The following TECRL variants were observed in gnomAD, a reference collection of about 807,000 sequenced individuals.
TECRL encodes the protein trans-2,3-enoyl-CoA reductase like, also known as trans-2,3-enoyl-CoA reductase-like.
TECRL carries 63 observed loss-of-function variants against 52.8 expected under a neutral mutation model. The ratio of observed to expected loss-of-function variants is 1.19; its 90% CI spans 0.97 to 1.47. The LOEUF is 1.47. Among genes scored for constraint, TECRL ranks in the 40% most tolerant of loss-of-function variants. TECRL has a pLI of 0.00. For synonymous variants in TECRL, 164 were observed against 141.9 expected (o/e 1.16, Z -1.10); for missense variants, 482 against 429.6 (o/e 1.12, Z -1.08).
At chr4:64,313,782 C>T (rs1367596348) in intron 5 of TECRL, among the ~76,000 whole-genome samples, 2 of 150,628 alleles carry the variant, frequency 1.3e-5, no homozygotes, top group Non-Finnish European at 1.5e-5. Context: ...GCACGGCTGC[C>T]TTACTCTTTT....
chr4:64,342,297 A>C (rs1426507936), intron 2 of TECRL, among the ~76,000 whole-genome samples: 49 of 152,216 alleles, frequency 3.2e-4, no homozygotes, highest in Non-Finnish European at 2.9e-5. Context: ...ACTCTGGATC[A>C]TTTTGATCAC....
rs1722706885 is a variant in TECRL at position 64,279,425 on chromosome 4, T to G, written c.*647A>C. 1 of 152,102 alleles carries G rather than the reference T, an allele frequency of 6.6e-6. No homozygotes were observed. The highest frequency in any genetic ancestry group is 1.5e-5 in the Non-Finnish European group (1 of 68,042). 9.4% of individuals were successfully genotyped at this position (152,102 alleles called of 1,614,324 possible). ...CCAGCTAATTTTTACTTTTTAAAATTTTTTTGTAGAGACAGAGTCTCAATA... is the reference window on the plus strand; with the variant it reads ...CCAGCTAATTTTTACTTTTTAAAATGTTTTTGTAGAGACAGAGTCTCAATA... On this transcript the variant is annotated 3_prime_UTR_variant, in exon 12 of 12. Transcript: ENST00000381210.
chr4:64,365,176 G>A (rs188590037), intron 2 of TECRL, among the ~76,000 whole-genome samples: 1 of 148,970 alleles, frequency 6.7e-6, no homozygotes, highest in Non-Finnish European at 1.5e-5. Flanking sequence ...GATGCAAAAA[G>A]GCTTTTCGTT....
chr4:64,355,508 GTT>G (rs781204818), intron 2 of TECRL, among the ~76,000 whole-genome samples: 1 of 152,026 alleles, frequency 6.6e-6, no homozygotes, highest in Non-Finnish European at 1.5e-5. Flanking sequence ...TTAAGAATAA[GTT>G]AAAACAGGCC....
intron 2 of TECRL, among the ~76,000 whole-genome samples, chr4:64,345,917 A>AAAAAAAAAAAAAAAC (rs1719934444): frequency 2.1e-5 from 3 of 141,806 alleles, no homozygotes; most frequent in East Asian, 2.0e-4. Context: ...CAAAAAAAAA[A>AAAAAAAAAAAAAAAC]AAAAAAAAAA....
intron 2 of TECRL, among the ~76,000 whole-genome samples, chr4:64,368,266 CTGTTTGTT>C (rs34309568): frequency 7.7e-6 from 1 of 129,904 alleles, no homozygotes; most frequent in African/African-American, 2.7e-5. Flanking sequence ...AGGCTCATAA[CTGTTTGTT>C]TGTTTGTTTT....
intron 2 of TECRL, among the ~76,000 whole-genome samples, chr4:64,372,180 A>G (rs1722022880): frequency 6.6e-6 from 1 of 151,794 alleles, no homozygotes; most frequent in Admixed American, 6.6e-5. Flanking sequence ...TCTAGAAGAG[A>G]CTTGAAGATG....
At chr4:64,401,039 C>T (rs149678567) in intron 1 of TECRL, among the ~76,000 whole-genome samples, 138 of 152,312 alleles carry the variant, frequency 9.1e-4, no homozygotes, top group African/African-American at 3.2e-3. Flanking sequence ...CCAATACTAT[C>T]TTGCCTCCCA....
chr4:64,392,900 C>T (rs534179645), intron 1 of TECRL, among the ~76,000 whole-genome samples: 1 of 151,904 alleles, frequency 6.6e-6, no homozygotes, highest in Non-Finnish European at 1.5e-5. Flanking sequence ...CACAAATGAA[C>T]AATTAAGCCA....
At chr4:64,387,454 A>T (rs901630999) in intron 1 of TECRL, among the ~76,000 whole-genome samples, 2 of 152,114 alleles carry the variant, frequency 1.3e-5, no homozygotes, top group African/African-American at 4.8e-5. Context: ...ACTGTATGGT[A>T]AGAATATATT....
intron 5 of TECRL, among the ~76,000 whole-genome samples, chr4:64,312,070 C>T (rs555018428): frequency 2.0e-5 from 3 of 152,206 alleles, no homozygotes; most frequent in South Asian, 4.1e-4. Flanking sequence ...TCCCCGTGTG[C>T]GGAGGTTTCT....
chr4:64,406,160 G>C (rs1480027504), intron 1 of TECRL, among the ~76,000 whole-genome samples: 1 of 148,430 alleles, frequency 6.7e-6, no homozygotes, highest in African/African-American at 2.4e-5. Flanking sequence ...GCGCGCGCGC[G>C]CGCGCGTGTG....
chr4:64,406,572 C>T (rs1028657928), intron 1 of TECRL, among the ~76,000 whole-genome samples: 7 of 151,768 alleles, frequency 4.6e-5, no homozygotes, highest in African/African-American at 7.3e-5. Context: ...ATGGTCAAAG[C>T]GCTATTCTAA....
intron 2 of TECRL, among the ~76,000 whole-genome samples, chr4:64,351,007 C>G (rs2109572277): frequency 1.9e-5 from 1 of 53,640 alleles, no homozygotes. Flanking sequence ...AAAGGAGGAA[C>G]TGGAGATCAT....
At chr4:64,326,565 A>T (rs1005861571) in intron 3 of TECRL, among the ~76,000 whole-genome samples, 13 of 151,786 alleles carry the variant, frequency 8.6e-5, no homozygotes, top group Non-Finnish European at 1.8e-4. Context: ...TTATACCTCT[A>T]CTCCCAGCTT....
At chr4:64,294,643 A>ACTTG (rs1158510487) in intron 8 of TECRL, among the ~76,000 whole-genome samples, 1 of 152,178 alleles carries the variant, frequency 6.6e-6, no homozygotes, top group Non-Finnish European at 1.5e-5. Context: ...AAGCATGCTT[A>ACTTG]CATATCTTCT....
intron 2 of TECRL, among the ~76,000 whole-genome samples, chr4:64,371,771 T>A (rs918958222): frequency 1.1e-4 from 16 of 151,848 alleles, no homozygotes; most frequent in Admixed American, 4.6e-4. Flanking sequence ...TACATCTATA[T>A]CTAGATAAGA....
intron 8 of TECRL, among the ~76,000 whole-genome samples, chr4:64,291,502 A>T (rs1394174798): frequency 6.6e-6 from 1 of 152,010 alleles, no homozygotes; most frequent in African/African-American, 2.4e-5. Flanking sequence ...ATATTTATTA[A>T]AAAGCAAGTT....
At chr4:64,313,392 A>T (rs561134991) in intron 5 of TECRL, among the ~76,000 whole-genome samples, 1 of 151,030 alleles carries the variant, frequency 6.6e-6, no homozygotes, top group East Asian at 2.0e-4. Flanking sequence ...TATATTTCTT[A>T]CAGAGAGACA....
Sources: gnomAD v4.1 joint callset for allele counts (sites outside exome capture counted in the v4.1 genomes callset) on GRCh38, gnomAD v4.1.1 for gene constraint, MANE v1.5 for transcripts, NCBI Gene and HGNC (gene_info 2026-07-23, HGNC 2026-07-21) for gene names.